Variants in EVA1C observed in about 807,000 individuals in gnomAD.
EVA1C encodes protein eva-1 homolog C.
EVA1C carries 25 observed loss-of-function variants against 45.4 expected under a neutral mutation model. The observed-to-expected ratio is 0.55, with a 90% confidence interval of 0.40 to 0.77. The LOEUF (loss-of-function observed/expected upper bound fraction) is 0.77. Ranked by LOEUF, EVA1C falls within the 30% of genes least tolerant of loss-of-function variation. The pLI, the probability that EVA1C is intolerant of heterozygous loss-of-function variation, is 0.00. For synonymous variants in EVA1C, 190 were observed against 221.2 expected (o/e 0.86, Z 1.25); for missense variants, 479 against 554.8 (o/e 0.86, Z 1.37).
chr21:32,504,769 A>T (rs1429457377), intron 7 of EVA1C, among the ~76,000 whole-genome samples: 2 of 152,196 alleles, frequency 1.3e-5, no homozygotes, highest in Non-Finnish European at 2.9e-5. Flanking sequence ...AAGATGGGCT[A>T]TTTGGGGTAA....
upstream of EVA1C, chr21:32,412,461 C>G (rs1056056338): frequency 6.0e-6 from 1 of 165,938 alleles, no homozygotes; most frequent in African/African-American, 2.4e-5. Flanking sequence ...GCTCAAGGTG[C>G]GCGGCCCGGG....
At chr21:32,467,085 C>T (rs566662274) in intron 3 of EVA1C, among the ~76,000 whole-genome samples, 69 of 152,094 alleles carry the variant, frequency 4.5e-4, no homozygotes, top group East Asian at 9.7e-4. Flanking sequence ...CCCAAGAGTT[C>T]GAGGCTGCAG....
At chr21:32,485,458 T>C (rs2036943487) in intron 4 of EVA1C, among the ~76,000 whole-genome samples, 1 of 152,158 alleles carries the variant, frequency 6.6e-6, no homozygotes, top group Non-Finnish European at 1.5e-5. Flanking sequence ...CCACCGTGCC[T>C]GGCCACTCCC....
At chr21:32,418,366 GAA>G (rs1220573874) in intron 1 of EVA1C, among the ~76,000 whole-genome samples, 1 of 152,168 alleles carries the variant, frequency 6.6e-6, no homozygotes, top group Non-Finnish European at 1.5e-5. Context: ...GACTACATCT[GAA>G]AAGTTTTCTG....
intron 6 of EVA1C, among the ~76,000 whole-genome samples, chr21:32,502,006 TTCTTTCTTTC>T (rs1462967517): frequency 1.7e-5 from 2 of 120,426 alleles, no homozygotes; most frequent in Admixed American, 8.4e-5. Context: ...CTTTCTTTCT[TTCTTTCTTTC>T]TTTCTTTCTT....
intron 4 of EVA1C, among the ~76,000 whole-genome samples, chr21:32,485,039 C>T (rs901086529): frequency 2.6e-5 from 4 of 152,144 alleles, no homozygotes; most frequent in Non-Finnish European, 4.4e-5. Context: ...ATTCTAGAAG[C>T]GTCAAACATA....
chr21:32,443,561 C>G (rs185918708), intron 1 of EVA1C, among the ~76,000 whole-genome samples: 11 of 152,054 alleles, frequency 7.2e-5, no homozygotes, highest in African/African-American at 2.4e-4. Context: ...ATAAAAAAAC[C>G]CTTACAGTAT....
intron 1 of EVA1C, among the ~76,000 whole-genome samples, chr21:32,424,556 C>G (rs1021381516): frequency 7.2e-5 from 11 of 152,208 alleles, no homozygotes; most frequent in African/African-American, 2.7e-4. Flanking sequence ...TTAAACACTT[C>G]ATTCTATTAT....
chr21:32,465,001 C>A (rs1483772147), intron 3 of EVA1C, among the ~76,000 whole-genome samples: 1 of 152,102 alleles, frequency 6.6e-6, no homozygotes, highest in Non-Finnish European at 1.5e-5. Flanking sequence ...TGATTGCAGC[C>A]CATGGTAGGA....
chr21:32,504,158 C>A, intron 7 of EVA1C, 143 bp downstream of exon 7: 2 of 622,938 alleles, frequency 3.2e-6, no homozygotes, highest in Non-Finnish European at 5.6e-6. Context: ...TTCTAAGATT[C>A]AGAAACACAG....
chr21:32,507,639 T>G (rs2037779476), intron 7 of EVA1C, among the ~76,000 whole-genome samples: 1 of 152,084 alleles, frequency 6.6e-6, no homozygotes, highest in Admixed American at 6.5e-5. Context: ...TGTGTGTGCA[T>G]GGGTTTGCAG....
At chr21:32,444,144 AT>A (rs2035285355) in intron 1 of EVA1C, among the ~76,000 whole-genome samples, 1 of 152,078 alleles carries the variant, frequency 6.6e-6, no homozygotes, top group Non-Finnish European at 1.5e-5. Flanking sequence ...AACACGGAAT[AT>A]TTTTTGTGAC....
At position 32,467,136 on chromosome 21, in the gene EVA1C, GA is replaced by G. The variant is rs530899719; in HGVS notation, c.482-559del. Among the ~76,000 whole-genome samples, 116 of 152,262 alleles carry G rather than the reference GA, an allele frequency of 7.6e-4. No individual in the cohort carries two copies. The Middle Eastern group carries it at 0.01, about 13-fold the overall frequency. On this transcript the variant is annotated intron_variant, in intron 3 of 7. Coordinates refer to ENST00000300255, the MANE Select transcript of EVA1C (RefSeq NM_058187.5). ...CCACTGCACTCTAGCCTGGGTAACA[GA>G]GTGAAACCCTGTCTCTAAAGAACTA...
chr21:32,427,493 T>A (rs1377809026), intron 1 of EVA1C, among the ~76,000 whole-genome samples: 3 of 151,900 alleles, frequency 2.0e-5, no homozygotes, highest in Non-Finnish European at 4.4e-5. Flanking sequence ...GGCGGAAAGA[T>A]CACGAGGTCA....
intron 4 of EVA1C, chr21:32,473,932 G>A (rs1255082800): frequency 4.1e-6 from 4 of 985,430 alleles, no homozygotes; most frequent in Non-Finnish European, 4.8e-6. Context: ...GTGCCACGGA[G>A]CACAGGACAA....
intron 4 of EVA1C, among the ~76,000 whole-genome samples, chr21:32,468,387 C>A (rs961595767): frequency 5.6e-5 from 8 of 143,874 alleles, no homozygotes; most frequent in East Asian, 2.1e-4. Context: ...AACAAACAAA[C>A]AAACAAAAAA....
At position 32,453,439 on chromosome 21, in the gene EVA1C, G is replaced by C. The variant is rs765163603; in HGVS notation, c.288G>C (p.Met96Ile). 72 of 1,611,652 alleles carry C rather than the reference G, an allele frequency of 4.5e-5. No homozygotes were observed. Among genetic ancestry groups the C allele is most frequent in the Non-Finnish European group, 5.5e-5 (65 of 1,179,674 alleles). Residue 96 changes from methionine (M) to isoleucine (I), a missense_variant, in exon 2 of 8, where the codon ATG (methionine) becomes ATC (isoleucine). Met to Ile is a conservative substitution (Grantham distance 10). This residue lies in a region of EVA1C where 33 missense variants were observed against 64.9 expected (regional missense o/e 0.51). Coordinates refer to ENST00000300255, the MANE Select transcript of EVA1C (RefSeq NM_058187.5). Reference sequence around the variant, plus strand: ...CATTTTATGGGCAAGATTACCAAATGTGTAGTTCCCAGAAGCCTGCCTCCC... The same window carrying C: ...CATTTTATGGGCAAGATTACCAAATCTGTAGTTCCCAGAAGCCTGCCTCCC... Reference protein sequence around the residue: ...QSAFYGQDYQMCSSQKPASQR... With the variant: ...QSAFYGQDYQICSSQKPASQR...
chr21:32,489,856 T>A (rs1444181262), intron 4 of EVA1C, among the ~76,000 whole-genome samples: 2 of 152,148 alleles, frequency 1.3e-5, no homozygotes, highest in Non-Finnish European at 2.9e-5. Context: ...TTTATGCCAT[T>A]GTAAATGGGA....
chr21:32,467,969 A>G, intron 4 of EVA1C, 121 bp downstream of exon 4: 1 of 607,350 alleles, frequency 1.6e-6, no homozygotes, highest in Non-Finnish European at 2.4e-6. Flanking sequence ...TAACACAATC[A>G]CGATCTTGTG....
Sources: allele counts gnomAD v4.1 joint callset (sites outside exome capture counted in the v4.1 genomes callset), GRCh38; gene constraint gnomAD v4.1.1; regional missense constraint gnomAD v4.1.1; transcripts MANE v1.5; gene names NCBI Gene and HGNC (gene_info 2026-07-23, HGNC 2026-07-21).